ASTN2: variants seen among roughly 807,000 people sequenced by gnomAD.
ASTN2 encodes astrotactin 2.
ASTN2 carries 54 observed loss-of-function variants against 139.8 expected under a neutral mutation model. The ratio of observed to expected loss-of-function variants is 0.39; its 90% CI spans 0.31 to 0.48. The LOEUF is 0.48. Among genes scored for constraint, ASTN2 ranks in the 20% least tolerant of loss-of-function variants. The pLI, the probability that ASTN2 is intolerant of heterozygous loss-of-function variation, is 0.95. For missense variants in ASTN2, 1,565 were observed against 1,725.1 expected (o/e 0.91, Z 1.64); for synonymous variants, 756 against 719.5 (o/e 1.05, Z -0.81).
chr9:116,790,954 G>GAAAGAAA (rs1830516589), intron 13 of ASTN2, among the ~76,000 whole-genome samples: 2 of 86,012 alleles, frequency 2.3e-5, no homozygotes, highest in African/African-American at 8.3e-5. Flanking sequence ...AAGAAAGAAA[G>GAAAGAAA]AAAAGAAAGA....
At chr9:117,410,247 C>G (rs1163437276) in intron 1 of ASTN2, among the ~76,000 whole-genome samples, 1 of 152,190 alleles carries the variant, frequency 6.6e-6, no homozygotes, top group Non-Finnish European at 1.5e-5. Context: ...ATTTCCCTAC[C>G]TGTGGGCATG....
At chr9:117,209,440 C>T (rs1391967700) in intron 3 of ASTN2, among the ~76,000 whole-genome samples, 3 of 151,928 alleles carry the variant, frequency 2.0e-5, no homozygotes, top group African/African-American at 7.2e-5. Context: ...CAATTCAATG[C>T]TGTAAAAATA....
chr9:116,975,384 A>G, intron 9 of ASTN2, 39 bp from the exon 10 acceptor site: 1 of 1,542,584 alleles, frequency 6.5e-7, no homozygotes, highest in African/African-American at 1.4e-5. Context: ...CTCCCTGGGA[A>G]GCAGAGAGCA....
chr9:117,241,111 C>T (rs535565875), intron 2 of ASTN2, among the ~76,000 whole-genome samples: 6 of 152,312 alleles, frequency 3.9e-5, no homozygotes, highest in East Asian at 3.9e-4. Flanking sequence ...TGGGACCATT[C>T]GCTCTGACAG....
intron 11 of ASTN2, among the ~76,000 whole-genome samples, chr9:116,842,452 T>C (rs2132307630): frequency 6.6e-6 from 1 of 152,192 alleles, no homozygotes; most frequent in East Asian, 1.9e-4. Context: ...ATCCCTTTGA[T>C]AAGAAACTGA....
chr9:116,578,051 A>T (rs3929698), intron 19 of ASTN2, among the ~76,000 whole-genome samples: 133,361 of 152,136 alleles, frequency 0.88, 58,569 homozygotes, highest in Admixed American at 0.91. Context: ...ATAATTATGA[A>T]GGGCTTTAGG....
At chr9:116,822,611 G>T (rs55978723) in intron 11 of ASTN2, among the ~76,000 whole-genome samples, 1 of 152,166 alleles carries the variant, frequency 6.6e-6, no homozygotes, top group Non-Finnish European at 1.5e-5. Flanking sequence ...CCTGGGCAGG[G>T]TATGGTCTCA....
chr9:117,395,682 G>C (rs1830657911), intron 1 of ASTN2, among the ~76,000 whole-genome samples: 1 of 152,150 alleles, frequency 6.6e-6, no homozygotes, highest in African/African-American at 2.4e-5. Flanking sequence ...AGCTGGATGT[G>C]GCCAGAGGGC....
intron 10 of ASTN2, among the ~76,000 whole-genome samples, chr9:116,896,926 T>C (rs1184672289): frequency 2.5e-4 from 38 of 152,052 alleles, no homozygotes; most frequent in Non-Finnish European, 8.8e-5. Context: ...CCAAACCATA[T>C]CAGTGTGTTA....
chr9:116,704,250 T>C (rs1827931298), intron 16 of ASTN2, among the ~76,000 whole-genome samples: 1 of 152,240 alleles, frequency 6.6e-6, no homozygotes, highest in African/African-American at 2.4e-5. Flanking sequence ...ATTAATTTGT[T>C]AACCAATGGA....
chr9:116,484,490 T>C (rs1243776767), intron 20 of ASTN2, among the ~76,000 whole-genome samples: 2 of 151,806 alleles, frequency 1.3e-5, no homozygotes, highest in Non-Finnish European at 2.9e-5. Context: ...CGAATTTGGG[T>C]AAAAAATGAG....
At chr9:117,211,040 A>C (rs1273235087) in intron 3 of ASTN2, among the ~76,000 whole-genome samples, 3 of 152,114 alleles carry the variant, frequency 2.0e-5, no homozygotes, top group African/African-American at 7.2e-5. Context: ...ACTCTTAATA[A>C]ATTAGTCACA....
At chr9:117,306,978 C>G (rs1344055642) in intron 1 of ASTN2, among the ~76,000 whole-genome samples, 1 of 152,110 alleles carries the variant, frequency 6.6e-6, no homozygotes, top group Non-Finnish European at 1.5e-5. Context: ...TGTTTACTGG[C>G]ATTGGGAACA....
intron 1 of ASTN2, among the ~76,000 whole-genome samples, chr9:117,304,292 G>A (rs1468263892): frequency 6.6e-6 from 1 of 152,176 alleles, no homozygotes; most frequent in African/African-American, 2.4e-5. Flanking sequence ...CCCACCACAA[G>A]ATGGGGTTGG....
At chr9:116,896,543 T>C (rs1186668339) in intron 10 of ASTN2, among the ~76,000 whole-genome samples, 1 of 152,126 alleles carries the variant, frequency 6.6e-6, no homozygotes, top group African/African-American at 2.4e-5. Flanking sequence ...GGTCTCAAAC[T>C]CTTGACCTCA....
intron 3 of ASTN2, among the ~76,000 whole-genome samples, chr9:117,151,539 A>G (rs1032431713): frequency 6.6e-6 from 1 of 152,162 alleles, no homozygotes. Flanking sequence ...AGAGTGTGCT[A>G]AATGCTTAGG....
At chr9:116,878,102 T>G (rs893193211) in intron 10 of ASTN2, among the ~76,000 whole-genome samples, 1 of 152,204 alleles carries the variant, frequency 6.6e-6, no homozygotes, top group Non-Finnish European at 1.5e-5. Context: ...ACTTTTACAC[T>G]GTTGGAGGGA....
intron 6 of ASTN2, among the ~76,000 whole-genome samples, chr9:117,025,932 T>A (rs2132624292): frequency 6.6e-6 from 1 of 151,706 alleles, no homozygotes; most frequent in Middle Eastern, 3.4e-3. Context: ...GCTGGACTAT[T>A]TTTTGTATTT....
chr9:116,533,014 T>C (rs1230566570), intron 19 of ASTN2, among the ~76,000 whole-genome samples: 3 of 152,230 alleles, frequency 2.0e-5, no homozygotes, highest in Non-Finnish European at 4.4e-5. Flanking sequence ...CTTCCATTTG[T>C]TTGTGTCCTC....
Sources: allele counts gnomAD v4.1 joint callset (sites outside exome capture counted in the v4.1 genomes callset), GRCh38; gene constraint gnomAD v4.1.1; transcripts MANE v1.5; gene names NCBI Gene and HGNC (gene_info 2026-07-23, HGNC 2026-07-21).